The following CALU variants were observed in gnomAD, a reference collection of about 807,000 sequenced individuals.
CALU encodes IEF SSP 9302.
A neutral mutation model predicts 37.5 loss-of-function variants in CALU; 13 were observed. The observed-to-expected ratio is 0.35, with a 90% CI of 0.23 to 0.55. The LOEUF (loss-of-function observed/expected upper bound fraction) is 0.55, where lower values mean the gene tolerates loss of function less well. Ranked by LOEUF, CALU falls within the 20% of genes least tolerant of loss-of-function variation. The pLI, the probability that CALU is intolerant of heterozygous loss-of-function variation, is 0.89. For missense variants in CALU, 282 were observed against 391.7 expected, an observed-to-expected ratio of 0.72 and a Z score of 2.36; for synonymous variants, 114 against 133.8, an observed-to-expected ratio of 0.85 and a Z score of 1.02.
intron 2 of CALU, among the ~76,000 whole-genome samples, chr7:128,750,220 C>G (rs938866638): frequency 2.7e-5 from 2 of 75,098 alleles, no homozygotes; most frequent in Non-Finnish European, 5.5e-5. Flanking sequence ...AGAGCCATCT[C>G]AAAAAAAAAA....
At chr7:128,747,772 G>T (rs1391434714) in intron 1 of CALU, 2 of 152,342 alleles carry the variant, frequency 1.3e-5, no homozygotes, top group African/African-American at 4.8e-5. Context: ...AAGTGTTCCA[G>T]CTTTGTGCTT....
At chr7:128,750,160 G>A (rs1306592813) in intron 2 of CALU, among the ~76,000 whole-genome samples, 1 of 151,086 alleles carries the variant, frequency 6.6e-6, no homozygotes. Context: ...CCCGGGAGGT[G>A]GAGCTTGTAG....
Position 128,756,884 on chromosome 7 carries a change from AG to A in CALU, c.416-1984del, listed in dbSNP as rs548111712. 5.9e-5 allele frequency among the ~76,000 whole-genome samples: 9 copies of A among 152,266 alleles called. No individual in the cohort carries two copies. In the South Asian group the frequency reaches 1.9e-3, roughly 32 times the overall value. On this transcript the variant is annotated intron_variant, in intron 3 of 6. Coordinates refer to ENST00000249364, the MANE Select transcript of CALU (RefSeq NM_001219.5). ...TGAGTCCGGGAATTCGCGACCAGCC[AG>A]GGCAACAAAGCCAGACCCCGTCTTT...
intron 2 of CALU, among the ~76,000 whole-genome samples, chr7:128,749,882 A>G (rs1338052997): frequency 6.6e-6 from 1 of 152,176 alleles, no homozygotes; most frequent in African/African-American, 2.4e-5. Context: ...TTGGGAGACC[A>G]TCCTCACTTT....
intron 1 of CALU, among the ~76,000 whole-genome samples, chr7:128,746,303 G>C (rs1013192441): frequency 6.6e-6 from 1 of 151,738 alleles, no homozygotes; most frequent in South Asian, 2.1e-4. Flanking sequence ...GACTACAGGC[G>C]TGTGCCACCA....
At chr7:128,748,366 T>C in intron 1 of CALU, 1 of 1,501,526 alleles carries the variant, frequency 6.7e-7, no homozygotes, top group Non-Finnish European at 8.9e-7. Flanking sequence ...TGAAGGAAAC[T>C]GGTAAAAATT....
At chr7:128,749,239 G>A (rs1418577634) in intron 2 of CALU, among the ~76,000 whole-genome samples, 2 of 152,216 alleles carry the variant, frequency 1.3e-5, no homozygotes, top group African/African-American at 2.4e-5. Context: ...ATGATTTCCC[G>A]AGGTGTCCTT....
rs1008312171 is a variant in CALU, at chr7:128,743,515, C to CT, written c.-12+4093dup. Among the ~76,000 whole-genome samples, 273 of 149,312 alleles carry CT rather than the reference C, an allele frequency of 1.8e-3. 1 individual carries two copies. The highest frequency in any genetic ancestry group is 6.3e-3 in the African/African-American group (258 of 40,764). Reference sequence around the variant, plus strand: ...TTTGGACAAAAGTATCCAATTTAAACTTTTTTTTTTCTTTTTCTTTTTTTG... The same window carrying CT: ...TTTGGACAAAAGTATCCAATTTAAACTTTTTTTTTTTCTTTTTCTTTTTTTG... On this transcript the variant is annotated intron_variant, in intron 1 of 6. Coordinates refer to ENST00000249364, the MANE Select transcript of CALU (RefSeq NM_001219.5).
intron 3 of CALU, among the ~76,000 whole-genome samples, chr7:128,755,573 A>G (rs1156757133): frequency 6.6e-6 from 1 of 152,204 alleles, no homozygotes; most frequent in Non-Finnish European, 1.5e-5. Context: ...TGAGTTTATC[A>G]GCCTGCTTTG....
intron 1 of CALU, among the ~76,000 whole-genome samples, chr7:128,747,059 C>T (rs1240473472): frequency 2.0e-5 from 3 of 151,998 alleles, no homozygotes; most frequent in Non-Finnish European, 2.9e-5. Flanking sequence ...TGAGCCACTG[C>T]GCCCGGCCCA....
intron 5 of CALU, among the ~76,000 whole-genome samples, chr7:128,763,862 CCTTAACCCTCAAGGTCAGGAA>C (rs1316717615): frequency 1.1e-4 from 17 of 152,260 alleles, no homozygotes; most frequent in African/African-American, 4.1e-4. Flanking sequence ...GTACTTCTAC[CCTTAACCCTCAAGGTCAGGAA>C]AATGGCAGCA....
intron 1 of CALU, among the ~76,000 whole-genome samples, chr7:128,744,306 G>GT (rs1800350310): frequency 6.6e-6 from 1 of 152,036 alleles, no homozygotes; most frequent in Non-Finnish European, 1.5e-5. Flanking sequence ...GATATCCTTT[G>GT]TCTTAGATGT....
chr7:128,752,833 C>T (rs749380034), intron 2 of CALU, among the ~76,000 whole-genome samples: 5 of 152,142 alleles, frequency 3.3e-5, no homozygotes, highest in Non-Finnish European at 5.9e-5. Context: ...TACAGGCATG[C>T]GCCACCATGC....
At chr7:128,755,119 A>T (rs1048309054) in intron 3 of CALU, among the ~76,000 whole-genome samples, 4 of 150,224 alleles carry the variant, frequency 2.7e-5, no homozygotes, top group African/African-American at 4.9e-5. Flanking sequence ...AATCTGGGCA[A>T]CATAGGGACA....
At chr7:128,750,680 T>C (rs562634421) in intron 2 of CALU, among the ~76,000 whole-genome samples, 1 of 152,326 alleles carries the variant, frequency 6.6e-6, no homozygotes, top group African/African-American at 2.4e-5. Flanking sequence ...AAAAAACTTA[T>C]TTACTGTGGC....
intron 1 of CALU, among the ~76,000 whole-genome samples, chr7:128,744,516 A>T (rs1425904298): frequency 6.6e-6 from 1 of 152,080 alleles, no homozygotes; most frequent in Non-Finnish European, 1.5e-5. Context: ...TTTTTTAAGT[A>T]GAACTTCTTT....
At chr7:128,761,774 T>C (rs1801127594) in intron 5 of CALU, among the ~76,000 whole-genome samples, 1 of 152,250 alleles carries the variant, frequency 6.6e-6, no homozygotes. Context: ...CGTTTGTTTT[T>C]AGACCTCTGA....
At chr7:128,753,792 C>T (rs1414760353) in intron 2 of CALU, among the ~76,000 whole-genome samples, 2 of 152,094 alleles carry the variant, frequency 1.3e-5, no homozygotes, top group Admixed American at 6.5e-5. Context: ...TTTTTGAAGT[C>T]TGATGTAACT....
At chr7:128,757,840 A>G (rs1800949207) in intron 3 of CALU, among the ~76,000 whole-genome samples, 1 of 152,062 alleles carries the variant, frequency 6.6e-6, no homozygotes, top group Admixed American at 6.5e-5. Flanking sequence ...GAGACTAGAT[A>G]ACTGCTGCTT....
Sources: gnomAD v4.1 joint callset for allele counts (sites outside exome capture counted in the v4.1 genomes callset) on GRCh38, gnomAD v4.1.1 for gene constraint, MANE v1.5 for transcripts, NCBI Gene and HGNC (gene_info 2026-07-23, HGNC 2026-07-21) for gene names.